NIBAN1: variants seen among roughly 807,000 people sequenced by gnomAD.
The protein encoded by NIBAN1 is protein Niban 1.
NIBAN1 carries 81 observed loss-of-function variants against 75.1 expected under a neutral mutation model. The ratio of observed to expected loss-of-function variants is 1.08; its 90% CI spans 0.90 to 1.30. The LOEUF (loss-of-function observed/expected upper bound fraction) is 1.30, where lower values mean the gene tolerates loss of function less well. Ranked by LOEUF, NIBAN1 falls within the 50% of genes most tolerant of loss-of-function variation. The pLI, the probability that NIBAN1 is intolerant of heterozygous loss-of-function variation, is 0.00. For synonymous variants in NIBAN1, 436 were observed against 424.8 expected, an observed-to-expected ratio of 1.03 and a Z score of -0.32; for missense variants, 1,133 against 1,128.1, an observed-to-expected ratio of 1.00 and a Z score of -0.06.
At chr1:184,930,601 G>A (rs1419049499) in intron 1 of NIBAN1, among the ~76,000 whole-genome samples, 1 of 152,206 alleles carries the variant, frequency 6.6e-6, no homozygotes, top group South Asian at 2.1e-4. Context: ...GGACCATCAA[G>A]AGGTAAACCA....
rs968646253 is a variant in NIBAN1 at position 184,870,762 on chromosome 1, A to G, written c.601+13871T>C. Among the ~76,000 whole-genome samples the G allele has an allele frequency of 1.1e-4, 17 of 152,342 alleles. 1 individual carries two copies. Among genetic ancestry groups the G allele is most frequent in the African/African-American group, 2.2e-4 (9 of 41,588 alleles). ...GCAAAAACCTATGGTGTTCAGCAGC[A>G]TAGCATACTCTATACCGTAACCAAC... On this transcript the variant is annotated intron_variant, in intron 5 of 13. Coordinates refer to ENST00000367511, the MANE Select transcript of NIBAN1 (RefSeq NM_052966.4).
intron 9 of NIBAN1, among the ~76,000 whole-genome samples, chr1:184,809,788 ACAT>A (rs1429217763): frequency 6.6e-6 from 1 of 152,142 alleles, no homozygotes; most frequent in African/African-American, 2.4e-5. Context: ...CATACATGAA[ACAT>A]CATGCAGCCA....
chr1:184,949,353 G>A (rs571424917), intron 1 of NIBAN1, among the ~76,000 whole-genome samples: 55 of 152,202 alleles, frequency 3.6e-4, no homozygotes, highest in Admixed American at 2.0e-3. Flanking sequence ...GCGAGACTCC[G>A]TCTCAAAAAA....
intron 6 of NIBAN1, among the ~76,000 whole-genome samples, chr1:184,830,005 C>T (rs1039033182): frequency 3.3e-5 from 5 of 152,198 alleles, no homozygotes; most frequent in African/African-American, 1.2e-4. Context: ...TCCACAGGGC[C>T]AGGACCATTC....
chr1:184,798,937 T>C (rs1363819565), intron 12 of NIBAN1, among the ~76,000 whole-genome samples: 1 of 152,220 alleles, frequency 6.6e-6, no homozygotes, highest in African/African-American at 2.4e-5. Flanking sequence ...TGTTAAGTAG[T>C]ATTCATTATA....
intron 1 of NIBAN1, among the ~76,000 whole-genome samples, chr1:184,947,907 A>G (rs1018442880): frequency 1.4e-4 from 21 of 152,228 alleles, no homozygotes; most frequent in Admixed American, 3.9e-4. Flanking sequence ...TCAAGCATGA[A>G]GTTATCTTTA....
At chr1:184,862,075 G>A (rs1655831762) in intron 5 of NIBAN1, among the ~76,000 whole-genome samples, 1 of 152,136 alleles carries the variant, frequency 6.6e-6, no homozygotes, top group Non-Finnish European at 1.5e-5. Context: ...GATTGACCTG[G>A]CCTTTTCCTT....
At chr1:184,954,927 A>T (rs929695240) in intron 1 of NIBAN1, among the ~76,000 whole-genome samples, 5 of 152,200 alleles carry the variant, frequency 3.3e-5, no homozygotes, top group Admixed American at 3.3e-4. Flanking sequence ...ATGAATCTTT[A>T]TTCGAGAACA....
At chr1:184,803,012 C>A (rs1345527881) in intron 12 of NIBAN1, among the ~76,000 whole-genome samples, 1 of 152,196 alleles carries the variant, frequency 6.6e-6, no homozygotes, top group Non-Finnish European at 1.5e-5. Context: ...TTGCTCTGCT[C>A]TACAGATGAA....
At position 184,799,869 on chromosome 1, in the gene NIBAN1, C is replaced by T. The variant is rs1279047164; in HGVS notation, c.1555-1679G>A. On this transcript the variant is annotated intron_variant, in intron 12 of 13. Coordinates refer to ENST00000367511, the MANE Select transcript of NIBAN1 (RefSeq NM_052966.4). ...CAAGCCATTCTCCTGCCTCAGCCTC[C>T]CGAGTAGCTGGGACTACAGGCGCCC... is the stretch of plus-strand genomic sequence containing the variant. Among the ~76,000 whole-genome samples the T allele has an allele frequency of 6.2e-5, 6 of 96,460 alleles. 1 individual carries two copies. Among genetic ancestry groups the T allele is most frequent in the Non-Finnish European group, 7.8e-5 (4 of 51,442 alleles). 63.3% of individuals were successfully genotyped at this position (96,460 alleles called of 152,430 possible). A position where few individuals can be genotyped will look rare whatever the true frequency, so the allele number is the denominator to read the frequency against.
chr1:184,812,383 G>A (rs946209954), intron 9 of NIBAN1, among the ~76,000 whole-genome samples: 4 of 152,120 alleles, frequency 2.6e-5, no homozygotes, highest in African/African-American at 4.8e-5. Flanking sequence ...CCTTTATGAC[G>A]TGGCTTGGCC....
chr1:184,851,947 C>T (rs992401674), intron 5 of NIBAN1, among the ~76,000 whole-genome samples: 5 of 151,888 alleles, frequency 3.3e-5, no homozygotes, highest in Admixed American at 6.6e-5. Context: ...AGAGAGCTCC[C>T]GTGAGCGCTG....
Position 184,890,093 on chromosome 1 carries a change from T to A in NIBAN1, c.433+15A>T. 1 of 1,587,624 alleles carries A rather than the reference T, an allele frequency of 6.3e-7. No individual in the cohort carries two copies. Among genetic ancestry groups the A allele is most frequent in the Non-Finnish European group, 8.6e-7 (1 of 1,156,210 alleles). On this transcript the variant is annotated intron_variant, in intron 4 of 13. Transcript: ENST00000367511. ...TTAGTCATTTTGCCTTGGAAAAGAA[T>A]GATCAGCAACTCACCAAGAGGGTCT...
intron 1 of NIBAN1, among the ~76,000 whole-genome samples, chr1:184,904,919 C>A (rs535559931): frequency 4.2e-5 from 6 of 143,456 alleles, no homozygotes; most frequent in African/African-American, 1.6e-4. Context: ...CCACTGCACC[C>A]TAGGTGACAG....
chr1:184,808,258 A>G (rs1389901303), intron 9 of NIBAN1, 23 bp from the exon 10 acceptor site: 3 of 1,611,288 alleles, frequency 1.9e-6, no homozygotes, highest in East Asian at 2.2e-5. Flanking sequence ...GAAGGGAAAC[A>G]TTAAACACCC....
intron 1 of NIBAN1, among the ~76,000 whole-genome samples, chr1:184,935,996 A>T (rs1371940608): frequency 6.6e-6 from 1 of 150,820 alleles, no homozygotes; most frequent in Admixed American, 6.6e-5. Flanking sequence ...AGCTATATCT[A>T]ACCCAACCTA....
chr1:184,857,367 C>T (rs777720076), intron 5 of NIBAN1, among the ~76,000 whole-genome samples: 3 of 152,184 alleles, frequency 2.0e-5, no homozygotes, highest in Non-Finnish European at 4.4e-5. Context: ...GAAAAGCACA[C>T]TACAACATTT....
chr1:184,935,905 G>C (rs1657945008), intron 1 of NIBAN1, among the ~76,000 whole-genome samples: 2 of 151,224 alleles, frequency 1.3e-5, no homozygotes, highest in Admixed American at 1.3e-4. Flanking sequence ...GTTTCCCTGG[G>C]ACAAACGGGA....
At chr1:184,945,281 CAAT>C (rs2102055494) in intron 1 of NIBAN1, among the ~76,000 whole-genome samples, 1 of 152,294 alleles carries the variant, frequency 6.6e-6, no homozygotes, top group East Asian at 1.9e-4. Context: ...TGGGTGAAAT[CAAT>C]GATGTCATGA....
Sources: gnomAD v4.1 joint callset for allele counts (sites outside exome capture counted in the v4.1 genomes callset) on GRCh38, gnomAD v4.1.1 for gene constraint, MANE v1.5 for transcripts, NCBI Gene and HGNC (gene_info 2026-07-23, HGNC 2026-07-21) for gene names.